The following HIRIP3 variants were observed in gnomAD, a reference collection of about 807,000 sequenced individuals.
HIRIP3 encodes the protein HIRA interacting protein 3, also known as HIRA-interacting protein 3.
In HIRIP3, 40 loss-of-function variants were observed where a neutral mutation model predicts 50.3. The observed-to-expected ratio is 0.79, with a 90% CI of 0.62 to 1.03. The LOEUF is 1.03. HIRIP3 is among the 50% of genes least tolerant of loss of function. The probability of loss-of-function intolerance (pLI) is 0.00; values close to 1 mark genes in which losing one functional copy is unlikely to be tolerated. For missense variants in HIRIP3, 765 were observed against 705.4 expected (o/e 1.08, Z -0.96); for synonymous variants, 318 against 261.6 (o/e 1.22, Z -2.08).
rs778263230 is a variant in HIRIP3 at position 29,994,230 on chromosome 16, A to G, written c.915T>C (p.Ser305=). ...GCACTGGGGGTTCTCTATCTCTCCC[A>G]CTGTCATCCCCACTGCTGGCTGCCT... ...QKEAASSGDD[S]GRDREPPVQR... Residue 305 remains serine, a synonymous_variant, in exon 4 of 7, where the codon AGT becomes AGC. Transcript: ENST00000279392. 3.1e-6 allele frequency: 5 copies of G among 1,613,702 alleles called. No homozygotes were observed. The highest frequency in any genetic ancestry group is 4.2e-6 in the Non-Finnish European group (5 of 1,179,932).
upstream of HIRIP3, chr16:29,995,901 T>A (rs887271836): frequency 1.7e-6 from 1 of 574,284 alleles, no homozygotes; most frequent in Non-Finnish European, 3.1e-6. Context: ...CCCGCGACGC[T>A]GCCTTTCTCA....
At position 29,994,687 on chromosome 16, in the gene HIRIP3, G is replaced by A. The variant is rs750673744; in HGVS notation, c.458C>T (p.Ala153Val). The A allele has an allele frequency of 6.2e-6, 10 of 1,613,880 alleles. 1 individual carries two copies. The highest frequency in any genetic ancestry group is 1.6e-4 in the Middle Eastern group (1 of 6,084). ...SDEERQRDLPAQRGEESSEEE... is the reference protein window; with the variant it reads ...SDEERQRDLPVQRGEESSEEE... ...CTCACTGCTCTCCTCTCCCCTCTGT[G>A]CGGGCAGGTCCCTCTGCCGTTCCTC... is the stretch of plus-strand genomic sequence containing the variant. The change falls in exon 4 of 7, where the codon GCA (alanine) becomes GTA (valine). Residue 153 changes from alanine to valine, a missense_variant. Transcript: ENST00000279392.
chr16:29,993,527 A>G lies in HIRIP3; in HGVS notation c.1439T>C (p.Leu480Pro). ...AGCTGCCTCCTCCCTCTGCTCCTTC[A>G]GGGCCCGACACTTCCCTAGGGAAGG... The part of the protein sequence containing the change: ...GTPSLGKCRA[L>P]KEQREEAAEV... The change falls in exon 6 of 7, where the codon CTG (leucine) becomes CCG (proline). Residue 480 changes from leucine to proline, a missense_variant. By Grantham distance (98) the Leu-to-Pro change is moderately conservative. Transcript: ENST00000279392. The G allele has an allele frequency of 4.3e-6, 7 of 1,613,834 alleles. No homozygotes were observed. The highest frequency in any genetic ancestry group is 5.9e-6 in the Non-Finnish European group (7 of 1,179,844).
rs780718925 is a variant in HIRIP3, at chr16:29,994,316, T to C, written c.829A>G (p.Lys277Glu). The change falls in exon 4 of 7, where the codon AAG (lysine) becomes GAG (glutamate). Residue 277 changes from lysine (K) to glutamate (E), a missense_variant. Transcript: ENST00000279392. Reference sequence around the variant, plus strand: ...AGCCTCTTTGCCTGGCTTTTCTGCTTACAGCTCCTCTCCTCCCTAGCTGAC... The same window carrying C: ...AGCCTCTTTGCCTGGCTTTTCTGCTCACAGCTCCTCTCCTCCCTAGCTGAC... ...RKSAREERSC[K>E]QKSQAKRLLG... The C allele has an allele frequency of 1.9e-6, 3 of 1,614,064 alleles. No individual in the cohort carries two copies. The African/African-American group carries it at 4.0e-5, about 22-fold the overall frequency.
At chr16:29,995,009 A>G in intron 3 of HIRIP3, 94 bp downstream of exon 3, 4 of 1,486,874 alleles carry the variant, frequency 2.7e-6, no homozygotes, top group Non-Finnish European at 3.7e-6. Flanking sequence ...TTGCTCCCTC[A>G]TCTAACGCCT....
Position 29,993,183 on chromosome 16 carries a change from G to A in HIRIP3, c.*24C>T. ...ATGTATGCTTTGTACATGTATCAAG[G>A]GTCCCTCCTGGGGGTGGCAGAGCTC... On this transcript the variant is annotated 3_prime_UTR_variant, in exon 7 of 7. Coordinates refer to ENST00000279392, the MANE Select transcript of HIRIP3 (RefSeq NM_003609.5). The A allele has an allele frequency of 6.4e-7, 1 of 1,566,784 alleles. No individual in the cohort carries two copies. Among genetic ancestry groups the A allele is most frequent in the Non-Finnish European group, 8.6e-7 (1 of 1,157,040 alleles).
In HIRIP3 at chr16:29,993,921, C is replaced by A. The variant is rs760988977; in HGVS notation, c.1224G>T (p.Glu408Asp). The A allele has an allele frequency of 6.4e-7, 1 of 1,567,470 alleles. No homozygotes were observed. The highest frequency in any genetic ancestry group is 8.7e-7 in the Non-Finnish European group (1 of 1,155,954). The change falls in exon 4 of 7, where the codon GAG becomes GAT. Residue 408 changes from glutamate to aspartate, a missense_variant. By Grantham distance (45) the Glu-to-Asp change is conservative. Transcript: ENST00000279392. Reference protein sequence around the residue: ...SSSSSSDGSPEAKGGKAGSGR... With the variant: ...SSSSSSDGSPDAKGGKAGSGR... The stretch of plus-strand genomic sequence containing the variant: ...TCACCCTCACCTTCCCTCCTTTGGC[C>A]TCTGGACTTCCATCTGAGGAGGAAG...
chr16:29,995,283 TCCTCCTCAGCAGCAAGCCCCG>T, intron 2 of HIRIP3, 39 bp downstream of exon 2: 2 of 1,591,374 alleles, frequency 1.3e-6, no homozygotes, highest in Non-Finnish European at 1.7e-6. Context: ...GTCAGGCCCC[TCCTCCTCAGCAGCAAGCCCCG>T]CCTCCGCCTC....
chr16:29,995,247 C>T, intron 2 of HIRIP3, 30 bp from the exon 3 acceptor site: 1 of 1,613,914 alleles, frequency 6.2e-7, no homozygotes, highest in Non-Finnish European at 8.5e-7. Context: ...GCAAACTATG[C>T]ACCAAGGCTG....
At chr16:29,995,782 G>A, upstream of HIRIP3, 5 of 700,284 alleles carry the variant, frequency 7.1e-6, no homozygotes, top group South Asian at 9.3e-5. Context: ...GTTTTCTCTG[G>A]GCAGTTGGAG....
intron 2 of HIRIP3, 60 bp from the exon 3 acceptor site, chr16:29,995,277 G>T: frequency 1.9e-6 from 3 of 1,612,304 alleles, no homozygotes; most frequent in Non-Finnish European, 2.5e-6. Flanking sequence ...CGCCCCGTCA[G>T]GCCCCTCCTC....
rs1237649370 is a variant in HIRIP3, at chr16:29,994,264, T to C, written c.881A>G (p.Glu294Gly). Residue 294 changes from glutamate (E) to glycine (G), a missense_variant, in exon 4 of 7, where the codon GAG (glutamate) becomes GGG (glycine). By Grantham distance (98) the Glu-to-Gly change is moderately conservative. Coordinates refer to ENST00000279392, the MANE Select transcript of HIRIP3 (RefSeq NM_003609.5). Reference sequence around the variant, plus strand: ...CCCACTGCTGGCTGCCTCTTTCTGCTCTTCCTCGCTGTCTGAGTCTCCCAA... The same window carrying C: ...CCCACTGCTGGCTGCCTCTTTCTGCCCTTCCTCGCTGTCTGAGTCTCCCAA... ...RLLGDSDSEE[E>G]QKEAASSGDD... The C allele has an allele frequency of 8.1e-6, 13 of 1,614,198 alleles. No homozygotes were observed. The highest frequency in any genetic ancestry group is 1.1e-5 in the South Asian group (1 of 91,080).
upstream of HIRIP3, chr16:29,995,696 G>A: frequency 6.6e-7 from 1 of 1,505,218 alleles, no homozygotes. Context: ...GCGCAGTGCT[G>A]CGGCAACGTG....
rs974980934 is a variant in HIRIP3, at chr16:29,994,078, C to T, written c.1067G>A (p.Gly356Asp). 1 of 1,613,256 alleles carries T rather than the reference C, an allele frequency of 6.2e-7. No homozygotes were observed. The highest frequency in any genetic ancestry group is 1.3e-5 in the African/African-American group (1 of 74,920). ...GTCACTTTCCTCACCACTGGTGCTG[C>T]CCAGTCTGGCCATCTTTCTAGAGCC... ...AKGSRKMARL[G>D]STSGEESDLE... The change falls in exon 4 of 7, where the codon GGC (glycine) becomes GAC (aspartate). Residue 356 changes from glycine to aspartate, a missense_variant. Gly to Asp is a moderately conservative substitution (Grantham distance 94). Transcript: ENST00000279392.
Position 29,994,221 on chromosome 16 carries a change from A to G in HIRIP3, c.924T>C (p.Asp308=), listed in dbSNP as rs113027102. The G allele has an allele frequency of 7.8e-4, 1,261 of 1,613,098 alleles. 10 individuals are homozygous for G. In the African/African-American group the frequency reaches 0.015, roughly 20 times the overall value. Residue 308 remains aspartate (D), a synonymous_variant, in exon 4 of 7, where the codon GAT becomes GAC. Coordinates refer to ENST00000279392, the MANE Select transcript of HIRIP3 (RefSeq NM_003609.5). ...TCTTCCTCTGCACTGGGGGTTCTCT[A>G]TCTCTCCCACTGTCATCCCCACTGC... ...AASSGDDSGR[D]REPPVQRKSE... is the part of the protein sequence containing the mutation.
Position 29,993,551 on chromosome 16 carries a change from G to A in HIRIP3, c.1415C>T (p.Pro472Leu). 1 of 1,613,408 alleles carries A rather than the reference G, an allele frequency of 6.2e-7. No individual in the cohort carries two copies. Residue 472 changes from proline to leucine, a missense_variant, in exon 6 of 7, where the codon CCT (proline) becomes CTT (leucine). Transcript: ENST00000279392. ...ELEALGMKGT[P>L]SLGKCRALKE... Reference sequence around the variant, plus strand: ...CAGGGCCCGACACTTCCCTAGGGAAGGGGTACCTGGGGCAGAAGAAGCTGG... The same window carrying A: ...CAGGGCCCGACACTTCCCTAGGGAAAGGGTACCTGGGGCAGAAGAAGCTGG...
chr16:29,995,174 T>C lies in HIRIP3; in HGVS notation c.230A>G (p.Lys77Arg). 6.2e-7 allele frequency: 1 copy of C among 1,614,272 alleles called. No individual in the cohort carries two copies. The highest frequency in any genetic ancestry group is 8.5e-7 in the Non-Finnish European group (1 of 1,180,054). Residue 77 changes from lysine to arginine, a missense_variant, in exon 3 of 7, where the codon AAG becomes AGG. Coordinates refer to ENST00000279392, the MANE Select transcript of HIRIP3 (RefSeq NM_003609.5). ...ASREDKLDLTKKGKRPPTPCS... is the reference protein window; with the variant it reads ...ASREDKLDLTRKGKRPPTPCS... ...AGGGGTGGGAGGCCTCTTGCCCTTCTTGGTAAGGTCCAGTTTGTCTTCCCT... is the reference window on the plus strand; with the variant it reads ...AGGGGTGGGAGGCCTCTTGCCCTTCCTGGTAAGGTCCAGTTTGTCTTCCCT...
At position 29,995,380 on chromosome 16, in the gene HIRIP3, A is replaced by T. The variant is rs749865907; in HGVS notation, c.149T>A (p.Leu50Gln). The change falls in exon 2 of 7, where the codon CTG becomes CAG. Residue 50 changes from leucine to glutamine, a missense_variant. Leu to Gln is a moderately radical substitution (Grantham distance 113). Transcript: ENST00000279392. ...CAGCTCCTCCTCCACCAGCCGCTTC[A>T]GTGCCTGCTTCTCCTCGGGCTCCAG... ...SHLEPEEKQA[L>Q]KRLVEEELLK... is the part of the protein sequence containing the mutation. 5 of 1,613,308 alleles carry T rather than the reference A, an allele frequency of 3.1e-6. No homozygotes were observed. The highest frequency in any genetic ancestry group is 4.2e-6 in the Non-Finnish European group (5 of 1,179,760).
rs762748096 is a variant in HIRIP3 at position 29,994,509 on chromosome 16, C to T, written c.636G>A (p.Glu212=). The change falls in exon 4 of 7, where the codon GAG becomes GAA. Residue 212 remains glutamate, a synonymous_variant. Coordinates refer to ENST00000279392, the MANE Select transcript of HIRIP3 (RefSeq NM_003609.5). The part of the protein sequence containing the change: ...EPVQRTAKKV[E]GNKGTKSLKE... ...TCAGGCTTTTAGTTCCTTTATTTCC[C>T]TCCACCTTCTTTGCTGTCCTCTGAA... The T allele has an allele frequency of 5.6e-6, 9 of 1,614,028 alleles. No individual in the cohort carries two copies. The highest frequency in any genetic ancestry group is 2.2e-5 in the South Asian group (2 of 91,078).
Sources: allele counts gnomAD v4.1 joint callset, GRCh38; gene constraint gnomAD v4.1.1; transcripts MANE v1.5; gene names NCBI Gene and HGNC (gene_info 2026-07-23, HGNC 2026-07-21).